MPP7: variants seen among roughly 807,000 people sequenced by gnomAD.
MPP7 encodes MAGUK p55 subfamily member 7.
Under a neutral mutation model 76.5 loss-of-function variants are expected in MPP7, and 60 were observed. The ratio of observed to expected loss-of-function variants is 0.78; its 90% CI spans 0.64 to 0.97. The LOEUF is 0.97. Ranked by LOEUF, MPP7 falls within the 50% of genes least tolerant of loss-of-function variation. The pLI, the probability that MPP7 is intolerant of heterozygous loss-of-function variation, is 0.00. For synonymous variants in MPP7, 237 were observed against 244.5 expected (o/e 0.97, Z 0.29); for missense variants, 641 against 694.0 (o/e 0.92, Z 0.86).
intron 1 of MPP7, among the ~76,000 whole-genome samples, chr10:28,257,785 C>T (rs970194377): frequency 4.5e-4 from 68 of 150,538 alleles, no homozygotes; most frequent in African/African-American, 1.3e-3. Flanking sequence ...TTTCCATGAA[C>T]GTAACTCTTT....
Position 28,056,853 on chromosome 10 carries a change from T to C in MPP7, c.1408-230A>G, listed in dbSNP as rs898392274. On this transcript the variant is annotated intron_variant, in intron 15 of 16. Transcript: ENST00000683449. The stretch of plus-strand genomic sequence containing the variant: ...GTTCTGAAATACATCATAATTAACA[T>C]TGAACAGAAGTGACTAAAAATATCA... 8.5e-5 allele frequency among the ~76,000 whole-genome samples: 13 copies of C among 152,316 alleles called. No individual in the cohort carries two copies. In the East Asian group the frequency reaches 2.5e-3, roughly 29 times the overall value.
At chr10:28,320,824 T>C (rs1834362457) in intron 2 of MPP7, among the ~76,000 whole-genome samples, 1 of 128,630 alleles carries the variant, frequency 7.8e-6, no homozygotes, top group East Asian at 1.9e-4. Context: ...TAGTGCAGTT[T>C]TTTGTTTGTT....
chr10:28,078,226 C>A (rs1349379629), intron 12 of MPP7, among the ~76,000 whole-genome samples: 1 of 152,198 alleles, frequency 6.6e-6, no homozygotes, highest in Non-Finnish European at 1.5e-5. Context: ...ATCCCCAGTC[C>A]ACGCAATCCA....
chr10:28,285,413 G>C (rs375236857), intron 1 of MPP7, among the ~76,000 whole-genome samples: 1 of 152,034 alleles, frequency 6.6e-6, no homozygotes, highest in Admixed American at 6.5e-5. Flanking sequence ...TCCAACTCCC[G>C]GCCTAAGATG....
intron 1 of MPP7, among the ~76,000 whole-genome samples, chr10:28,298,286 A>T (rs1841078335): frequency 6.6e-6 from 1 of 152,212 alleles, no homozygotes; most frequent in South Asian, 2.1e-4. Context: ...GCTTTACAAG[A>T]TGTGCTTCTT....
intron 4 of MPP7, among the ~76,000 whole-genome samples, chr10:28,147,772 C>T (rs1835757382): frequency 6.6e-6 from 1 of 152,198 alleles, no homozygotes; most frequent in African/African-American, 2.4e-5. Context: ...CAGCTGAGTA[C>T]AAATCAAGTA....
Position 28,202,273 on chromosome 10 carries a change from T to C in MPP7, c.38-2A>G. ...GAGCAGCCAACAGCTCATACAGACC[T>C]ATAAAATGAAAATAAAACACAAAGT... is the stretch of plus-strand genomic sequence containing the variant. On this transcript the variant is annotated splice_acceptor_variant, in intron 2 of 16. Transcript: ENST00000683449. LOFTEE classifies it high-confidence loss of function. The C allele has an allele frequency of 6.9e-6, 11 of 1,597,798 alleles. No homozygotes were observed. The highest frequency in any genetic ancestry group is 9.4e-6 in the Non-Finnish European group (11 of 1,168,294).
chr10:28,134,644 A>C (rs1325618057), intron 5 of MPP7, among the ~76,000 whole-genome samples: 1 of 152,194 alleles, frequency 6.6e-6, no homozygotes, highest in Non-Finnish European at 1.5e-5. Flanking sequence ...ATTTTTGAGA[A>C]GTGATGAGAG....
At chr10:28,241,883 G>A (rs1249564879) in intron 1 of MPP7, among the ~76,000 whole-genome samples, 1 of 152,130 alleles carries the variant, frequency 6.6e-6, no homozygotes, top group East Asian at 1.9e-4. Flanking sequence ...CTCTGGCACT[G>A]ATCATGTGGA....
At chr10:28,272,632 C>T (rs929358315) in intron 1 of MPP7, among the ~76,000 whole-genome samples, 4 of 152,004 alleles carry the variant, frequency 2.6e-5, no homozygotes, top group African/African-American at 9.7e-5. Flanking sequence ...GTCAACTAAA[C>T]GTCACCTTTT....
At chr10:28,067,097 T>C (rs1191116663) in intron 13 of MPP7, among the ~76,000 whole-genome samples, 1 of 152,222 alleles carries the variant, frequency 6.6e-6, no homozygotes, top group Non-Finnish European at 1.5e-5. Context: ...ATGTGTTTGC[T>C]CAGCTTTAGT....
At chr10:28,237,024 C>G (rs1368906770) in intron 2 of MPP7, 4 of 152,180 alleles carry the variant, frequency 2.6e-5, no homozygotes, top group African/African-American at 9.7e-5. Flanking sequence ...AGCGAGCTGG[C>G]TGTGTGTGGA....
At chr10:28,095,222 T>TATATATATATATATATATAC (rs775763967) in intron 11 of MPP7, among the ~76,000 whole-genome samples, 25 of 136,708 alleles carry the variant, frequency 1.8e-4, no homozygotes, top group East Asian at 1.4e-3. Flanking sequence ...TATATATATA[T>TATATATATATATATATATAC]ACAGAAACAT....
At chr10:28,301,697 C>T (rs915876583) in intron 1 of MPP7, among the ~76,000 whole-genome samples, 8 of 152,128 alleles carry the variant, frequency 5.3e-5, no homozygotes, top group African/African-American at 1.9e-4. Flanking sequence ...ATGCTATGCA[C>T]AGCCTGCCTC....
chr10:28,322,472 T>C (rs1476038894), intron 2 of MPP7, among the ~76,000 whole-genome samples: 1 of 152,096 alleles, frequency 6.6e-6, no homozygotes, highest in Non-Finnish European at 1.5e-5. Flanking sequence ...TCTCCCCATC[T>C]GAAAAACCCA....
intron 11 of MPP7, among the ~76,000 whole-genome samples, chr10:28,099,936 C>A (rs879374967): frequency 3.3e-5 from 5 of 151,080 alleles, no homozygotes; most frequent in Non-Finnish European, 7.4e-5. Context: ...TTCTTTTTTT[C>A]TCACCTTAAA....
intron 1 of MPP7, among the ~76,000 whole-genome samples, chr10:28,252,950 C>G (rs11006952): frequency 0.085 from 12,858 of 151,986 alleles, 694 homozygotes; most frequent in Non-Finnish European, 0.12. Context: ...CTGTGTCACC[C>G]AGGCTGGCAT....
At chr10:28,118,164 C>T in intron 11 of MPP7, 1 of 984,924 alleles carries the variant, frequency 1.0e-6, no homozygotes, top group East Asian at 1.1e-4. Flanking sequence ...ATTAATACTT[C>T]TACATACACA....
intron 2 of MPP7, among the ~76,000 whole-genome samples, chr10:28,220,820 T>A (rs10826427): frequency 0.17 from 26,344 of 152,086 alleles, 2,587 homozygotes; most frequent in African/African-American, 0.26. Flanking sequence ...AATTAATGCT[T>A]CCCAGTTTTG....
Sources: allele counts gnomAD v4.1 joint callset (sites outside exome capture counted in the v4.1 genomes callset), GRCh38; gene constraint gnomAD v4.1.1; transcripts MANE v1.5; gene names NCBI Gene and HGNC (gene_info 2026-07-23, HGNC 2026-07-21).